The following CDH22 variants were observed in gnomAD, a reference collection of about 807,000 sequenced individuals.
CDH22 encodes the protein cadherin 22.
A neutral mutation model predicts 58.4 loss-of-function variants in CDH22; 30 were observed. That is an observed-to-expected ratio of 0.51 (90% CI 0.38 to 0.70). The LOEUF (loss-of-function observed/expected upper bound fraction) is 0.70. Ranked by LOEUF, CDH22 falls within the 30% of genes least tolerant of loss-of-function variation. The pLI is 0.00. For missense variants in CDH22, 1,014 were observed against 1,233.9 expected (o/e 0.82, Z 2.67); for synonymous variants, 513 against 558.2 (o/e 0.92, Z 1.14).
intron 10 of CDH22, 59 bp from the exon 11 acceptor site, chr20:46,178,256 TA>T: frequency 1.3e-6 from 2 of 1,568,802 alleles, no homozygotes; most frequent in Non-Finnish European, 1.7e-6. Context: ...ATCCTTGTCC[TA>T]GCCACCTCCT....
chr20:46,251,136 G>T lies in CDH22; in HGVS notation c.159C>A (p.Gly53=). 1 of 1,601,298 alleles carries T rather than the reference G, an allele frequency of 6.2e-7. No homozygotes were observed. The highest frequency in any genetic ancestry group is 8.5e-7 in the Non-Finnish European group (1 of 1,174,524). ...SPSAPGARQD[G]ALGAGRVKRG... Reference sequence around the variant, plus strand: ...GTTTGACGCGGCCGGCTCCCAGCGCGCCGTCCTGCCGAGCTCCGGGCGCCG... The same window carrying T: ...GTTTGACGCGGCCGGCTCCCAGCGCTCCGTCCTGCCGAGCTCCGGGCGCCG... Residue 53 remains glycine, a synonymous_variant, in exon 2 of 12, where the codon GGC becomes GGA. Transcript: ENST00000537909. The surrounding 1 kb of genome is among the most constrained non-coding windows in gnomAD (Gnocchi z 6.7).
At position 46,270,919 on chromosome 20, in the gene CDH22, G is replaced by T. The variant is rs558902548; in HGVS notation, c.-399-19226C>A. ...CAGGCAGGCCACCTCATCTCTCTGA[G>T]CCTCAGTGCCCTGTTCTGTGAAACA... is the stretch of plus-strand genomic sequence containing the variant. On this transcript the variant is annotated intron_variant, in intron 1 of 11. Transcript: ENST00000537909. Among the ~76,000 whole-genome samples, 144 of 152,328 alleles carry T rather than the reference G, an allele frequency of 9.5e-4. 5 individuals are homozygous for T. The South Asian group carries it at 0.03, about 31-fold the overall frequency.
At chr20:46,275,996 T>C (rs1413159505) in intron 1 of CDH22, among the ~76,000 whole-genome samples, 31 of 151,940 alleles carry the variant, frequency 2.0e-4, no homozygotes, top group Admixed American at 2.0e-3. Context: ...ACAGCACATA[T>C]GATGGCCCAG....
intron 3 of CDH22, 137 bp from the exon 4 acceptor site, chr20:46,227,764 C>G (rs1415339683): frequency 2.2e-5 from 28 of 1,264,366 alleles, no homozygotes; most frequent in Admixed American, 4.7e-5. Flanking sequence ...CAGCCCCTCA[C>G]GGTCCCCATC....
chr20:46,243,737 T>G (rs1312928772), intron 2 of CDH22, among the ~76,000 whole-genome samples: 1 of 152,204 alleles, frequency 6.6e-6, no homozygotes, highest in Non-Finnish European at 1.5e-5. Flanking sequence ...CTTCCCAGCC[T>G]GATCTGTTGT....
intron 1 of CDH22, among the ~76,000 whole-genome samples, chr20:46,271,140 C>T (rs1181232273): frequency 6.6e-6 from 1 of 152,212 alleles, no homozygotes; most frequent in African/African-American, 2.4e-5. Flanking sequence ...CTGCTGGGAC[C>T]ACCCTGGGCT....
intron 8 of CDH22, among the ~76,000 whole-genome samples, chr20:46,191,375 C>T (rs576787362): frequency 5.3e-5 from 8 of 152,184 alleles, no homozygotes; most frequent in African/African-American, 1.9e-4. Context: ...ATCCCAGCCC[C>T]TACTAGAGTT....
chr20:46,250,955 G>A, intron 2 of CDH22, 85 bp downstream of exon 2: 1 of 820,586 alleles, frequency 1.2e-6, no homozygotes, highest in Non-Finnish European at 2.1e-6. Flanking sequence ...GATTTAAAAG[G>A]GCAGGTGAAC....
intron 11 of CDH22, among the ~76,000 whole-genome samples, chr20:46,176,408 C>A (rs1201280035): frequency 6.6e-6 from 1 of 152,212 alleles, no homozygotes; most frequent in African/African-American, 2.4e-5. Context: ...GAGTCTCCCC[C>A]ACCTCAGTGT....
intron 3 of CDH22, 49 bp from the exon 4 acceptor site, chr20:46,227,676 C>A (rs1250280287): frequency 2.6e-6 from 4 of 1,564,976 alleles, no homozygotes; most frequent in Non-Finnish European, 2.6e-6. Flanking sequence ...GGCTGCGGAG[C>A]TCGTTCCCCC....
At chr20:46,195,281 T>G (rs990837079) in intron 8 of CDH22, among the ~76,000 whole-genome samples, 3 of 152,214 alleles carry the variant, frequency 2.0e-5, no homozygotes, top group Non-Finnish European at 4.4e-5. Flanking sequence ...CTGGCCTGTG[T>G]GTGCTGCAGG....
chr20:46,272,262 C>A (rs1049075038), intron 1 of CDH22, among the ~76,000 whole-genome samples: 10 of 152,120 alleles, frequency 6.6e-5, no homozygotes, highest in African/African-American at 2.2e-4. Flanking sequence ...TACGATGGAG[C>A]AAATTTGGGG....
At chr20:46,218,357 C>T (rs913483568) in intron 4 of CDH22, among the ~76,000 whole-genome samples, 2 of 152,218 alleles carry the variant, frequency 1.3e-5, no homozygotes, top group Non-Finnish European at 2.9e-5. Context: ...TCAGTTTTCC[C>T]ACTTGACATT....
At position 46,251,134 on chromosome 20, in the gene CDH22, G is replaced by A. The variant is rs773408832; in HGVS notation, c.161C>T (p.Ala54Val). 4 of 1,605,140 alleles carry A rather than the reference G, an allele frequency of 2.5e-6. No homozygotes were observed. Among genetic ancestry groups the A allele is most frequent in the East Asian group, 4.6e-5 (2 of 43,342 alleles). Residue 54 changes from alanine (A) to valine (V), a missense_variant, in exon 2 of 12, where the codon GCG becomes GTG. This residue lies in a region of CDH22 where 806 missense variants were observed against 1,038.7 expected (regional missense o/e 0.78). Transcript: ENST00000537909. This position sits in a 1 kb window ranked among gnomAD's most constrained non-coding sequence, Gnocchi z 6.7. Reference protein sequence around the residue: ...PSAPGARQDGALGAGRVKRGW... With the variant: ...PSAPGARQDGVLGAGRVKRGW... ...GCGTTTGACGCGGCCGGCTCCCAGC[G>A]CGCCGTCCTGCCGAGCTCCGGGCGC...
At chr20:46,271,129 C>T (rs1157684663) in intron 1 of CDH22, among the ~76,000 whole-genome samples, 1 of 152,218 alleles carries the variant, frequency 6.6e-6, no homozygotes, top group East Asian at 1.9e-4. Context: ...GGCTGTACCA[C>T]CTGCTGGGAC....
chr20:46,251,402 C>A lies in CDH22; in HGVS notation c.-108G>T, dbSNP rs2086374066. ...GCCGTGTCACATGGTGGCCTCAGCG[C>A]GGCCGCCGGGATGTCGCCCCCGACG... On this transcript the variant is annotated 5_prime_UTR_variant, in exon 2 of 12. Transcript: ENST00000537909. This position sits in a 1 kb window ranked among gnomAD's most constrained non-coding sequence, Gnocchi z 6.7. 4.0e-6 allele frequency: 5 copies of A among 1,262,106 alleles called. No individual in the cohort carries two copies. In the East Asian group the frequency reaches 1.3e-4, roughly 33 times the overall value. 78.2% of individuals were successfully genotyped at this position (1,262,106 alleles called of 1,614,324 possible). A position where few individuals can be genotyped will look rare whatever the true frequency, so the allele number is the denominator to read the frequency against.
intron 1 of CDH22, among the ~76,000 whole-genome samples, chr20:46,274,918 G>T (rs2086510100): frequency 6.6e-6 from 1 of 151,996 alleles, no homozygotes; most frequent in African/African-American, 2.4e-5. Context: ...GAAAGCGAAA[G>T]AAATGGTTGC....
intron 2 of CDH22, among the ~76,000 whole-genome samples, chr20:46,243,966 C>G (rs1450918148): frequency 1.3e-5 from 2 of 152,196 alleles, no homozygotes; most frequent in Admixed American, 6.5e-5. Context: ...CTACCACTCA[C>G]TAATGTTGGG....
intron 3 of CDH22, among the ~76,000 whole-genome samples, chr20:46,240,589 G>T (rs574850142): frequency 3.0e-4 from 46 of 152,264 alleles, no homozygotes; most frequent in Non-Finnish European, 6.2e-4. Flanking sequence ...GAATGAGGTT[G>T]TGTACCAGTG....
Sources: allele counts gnomAD v4.1 joint callset (sites outside exome capture counted in the v4.1 genomes callset), GRCh38; gene constraint gnomAD v4.1.1; regional missense constraint gnomAD v4.1.1; non-coding constraint Gnocchi (gnomAD v3.1); transcripts MANE v1.5; gene names NCBI Gene and HGNC (gene_info 2026-07-23, HGNC 2026-07-21).